ZBTB44: variants seen among roughly 807,000 people sequenced by gnomAD.
ZBTB44 encodes the protein zinc finger and BTB domain-containing protein 44.
A neutral mutation model predicts 54.0 loss-of-function variants in ZBTB44; 15 were observed. The ratio of observed to expected loss-of-function variants is 0.28; its 90% confidence interval spans 0.19 to 0.43. ZBTB44 has a LOEUF of 0.43. Among genes scored for constraint, ZBTB44 ranks in the 20% least tolerant of loss-of-function variants. The pLI is 1.00. For missense variants in ZBTB44, 487 were observed against 707.1 expected, an observed-to-expected ratio of 0.69 and a Z score of 3.53; for synonymous variants, 230 against 250.1, an observed-to-expected ratio of 0.92 and a Z score of 0.76.
intron 1 of ZBTB44, among the ~76,000 whole-genome samples, chr11:130,307,341 C>T (rs1033026623): frequency 3.3e-5 from 5 of 151,166 alleles, no homozygotes; most frequent in African/African-American, 7.3e-5. Context: ...AGGAGAATGG[C>T]GTGAACCCAG....
chr11:130,278,097 AAGAT>A (rs1237051956), intron 1 of ZBTB44, among the ~76,000 whole-genome samples: 22 of 152,174 alleles, frequency 1.4e-4, no homozygotes, highest in African/African-American at 5.3e-4. Flanking sequence ...TACTTAGAAA[AAGAT>A]TTTCAGTAAA....
intron 1 of ZBTB44, among the ~76,000 whole-genome samples, chr11:130,305,941 T>C (rs986379096): frequency 2.0e-5 from 3 of 151,202 alleles, no homozygotes; most frequent in African/African-American, 7.3e-5. Context: ...TGTCAAAAAA[T>C]GGGTTAAAAA....
At chr11:130,307,075 A>C (rs1195639423) in intron 1 of ZBTB44, among the ~76,000 whole-genome samples, 1 of 151,854 alleles carries the variant, frequency 6.6e-6, no homozygotes, top group Non-Finnish European at 1.5e-5. Context: ...AACAAGCAAA[A>C]AAAAAAAAAA....
intron 1 of ZBTB44, among the ~76,000 whole-genome samples, chr11:130,288,322 CGAG>C: frequency 6.6e-6 from 1 of 150,790 alleles, no homozygotes; most frequent in East Asian, 2.0e-4. Flanking sequence ...TGCAGTGAGC[CGAG>C]ATCATGCCAC....
chr11:130,309,256 C>T (rs969476995), intron 1 of ZBTB44, among the ~76,000 whole-genome samples: 1 of 152,206 alleles, frequency 6.6e-6, no homozygotes, highest in Non-Finnish European at 1.5e-5. Flanking sequence ...CCTTCTTTAC[C>T]TACAATTGCC....
Position 130,261,540 on chromosome 11 carries a change from G to A in ZBTB44, c.334C>T (p.Gln112Ter). The A allele has an allele frequency of 6.2e-7, 1 of 1,613,986 alleles. No individual in the cohort carries two copies. Among genetic ancestry groups the A allele is most frequent in the Non-Finnish European group, 8.5e-7 (1 of 1,179,890 alleles). The stretch of plus-strand genomic sequence containing the variant: ...CAGGTGCTGGCAACACTGAACATTT[G>A]CATATAGCTGGCTGCTGCTAGAACA... ...IDVLAAASYM[Q>*]MFSVASTCSE... is the part of the protein sequence containing the mutation. Residue 112 changes from glutamine (Q) to a stop codon, truncating the protein, a stop_gained, in exon 2 of 8, where the codon CAA (glutamine) becomes TAA (stop). Transcript: ENST00000357899. LOFTEE classifies it high-confidence loss of function. This position sits in a 1 kb window ranked among gnomAD's most constrained non-coding sequence, Gnocchi z 4.8.
chr11:130,285,603 C>A, intron 1 of ZBTB44: 1 of 234,162 alleles, frequency 4.3e-6, no homozygotes, highest in South Asian at 6.9e-5. Flanking sequence ...CTTTTTTGTT[C>A]TTCTGATCTA....
chr11:130,253,426 CA>C (rs1310994295), intron 2 of ZBTB44, among the ~76,000 whole-genome samples: 1 of 152,240 alleles, frequency 6.6e-6, no homozygotes, highest in Non-Finnish European at 1.5e-5. Context: ...ATACCAATAA[CA>C]GAGAAACAGA....
chr11:130,230,434 T>TTTTTG lies in ZBTB44; in HGVS notation c.*1329_*1330insCAAAA, dbSNP rs1555160018. ...GAAAGTTTTTTTTTTTTTTTTTTTT[T>TTTTTG]GCTAGTTATTAAGAACAAAGGGCAT... On this transcript the variant is annotated 3_prime_UTR_variant, in exon 8 of 8. Coordinates refer to ENST00000357899, the MANE Select transcript of ZBTB44 (RefSeq NM_001301098.2). The TTTTTG allele has an allele frequency of 6.9e-6, 1 of 145,052 alleles. No homozygotes were observed. The highest frequency in any genetic ancestry group is 2.6e-5 in the African/African-American group (1 of 38,348). 9.0% of individuals were successfully genotyped at this position (145,052 alleles called of 1,614,324 possible).
intron 1 of ZBTB44, chr11:130,295,670 G>T (rs1333019629): frequency 1.5e-6 from 2 of 1,293,914 alleles, no homozygotes; most frequent in Non-Finnish European, 2.2e-6. Flanking sequence ...CTGAAATTCA[G>T]CATGAAAGTA....
chr11:130,232,475 T>G (rs912935491), intron 7 of ZBTB44: 8 of 152,202 alleles, frequency 5.3e-5, no homozygotes, highest in Admixed American at 5.2e-4. Flanking sequence ...AGTTTCATAT[T>G]TTTAGCAGCA....
chr11:130,296,747 G>C (rs188759989), intron 1 of ZBTB44: 1 of 861,110 alleles, frequency 1.2e-6, no homozygotes, highest in Admixed American at 1.7e-5. Flanking sequence ...TTGAGAAATT[G>C]ATTGAAAAGA....
chr11:130,251,465 G>A (rs764644875), intron 2 of ZBTB44, among the ~76,000 whole-genome samples: 1 of 152,086 alleles, frequency 6.6e-6, no homozygotes, highest in Admixed American at 6.5e-5. Context: ...GATACTCCTC[G>A]AGAATAGCAA....
At chr11:130,286,717 A>T (rs1274085045) in intron 1 of ZBTB44, among the ~76,000 whole-genome samples, 5 of 152,240 alleles carry the variant, frequency 3.3e-5, no homozygotes, top group Non-Finnish European at 7.3e-5. Context: ...TTGCCTGGAG[A>T]CAGCATGTCC....
At chr11:130,268,992 TAA>T (rs759610555) in intron 1 of ZBTB44, among the ~76,000 whole-genome samples, 1 of 144,238 alleles carries the variant, frequency 6.9e-6, no homozygotes. Context: ...CAAGTCTCTT[TAA>T]AAAAAAAAAA....
chr11:130,301,491 G>A (rs76008992), intron 1 of ZBTB44, among the ~76,000 whole-genome samples: 74 of 151,968 alleles, frequency 4.9e-4, no homozygotes, highest in East Asian at 1.7e-3. Flanking sequence ...ACGTAGATGC[G>A]GGCATCTACA....
intron 1 of ZBTB44, among the ~76,000 whole-genome samples, chr11:130,307,972 C>T (rs368782275): frequency 4.0e-4 from 61 of 152,144 alleles, no homozygotes; most frequent in Middle Eastern, 3.2e-3. Context: ...GTGAGCCACC[C>T]GCCTCCGCCT....
chr11:130,273,768 C>T (rs1939850234), intron 1 of ZBTB44, among the ~76,000 whole-genome samples: 1 of 152,036 alleles, frequency 6.6e-6, no homozygotes, highest in South Asian at 2.1e-4. Flanking sequence ...TTGAGTATCC[C>T]TTATCCAAAA....
chr11:130,277,429 T>C (rs139184298), intron 1 of ZBTB44, among the ~76,000 whole-genome samples: 74 of 152,316 alleles, frequency 4.9e-4, no homozygotes, highest in African/African-American at 1.7e-3. Context: ...AGATATCATA[T>C]CTGCTCATGA....
Sources: gnomAD v4.1 joint callset for allele counts (sites outside exome capture counted in the v4.1 genomes callset) on GRCh38, gnomAD v4.1.1 for gene constraint, Gnocchi (gnomAD v3.1) non-coding constraint, MANE v1.5 for transcripts, NCBI Gene and HGNC (gene_info 2026-07-23, HGNC 2026-07-21) for gene names.